Variants in SLC19A1 observed in about 807,000 individuals in gnomAD.
SLC19A1 encodes the protein solute carrier family 19 member 1, also known as reduced folate transporter.
In SLC19A1, 37 loss-of-function variants were observed where a neutral mutation model predicts 35.3. That is an observed-to-expected ratio of 1.05 (90% CI 0.81 to 1.38). SLC19A1 has a LOEUF of 1.38. Among genes scored for constraint, SLC19A1 ranks in the 40% most tolerant of loss-of-function variants. The probability of loss-of-function intolerance (pLI) is 0.00; values close to 1 mark genes in which losing one functional copy is unlikely to be tolerated. For synonymous variants in SLC19A1, 460 were observed against 398.5 expected, an observed-to-expected ratio of 1.15 and a Z score of -1.84; for missense variants, 831 against 826.9, an observed-to-expected ratio of 1.00 and a Z score of -0.06.
intron 1 of SLC19A1, among the ~76,000 whole-genome samples, chr21:45,538,995 C>T (rs545885948): frequency 2.0e-5 from 3 of 152,276 alleles, no homozygotes; most frequent in Non-Finnish European, 2.9e-5. Context: ...TCCTCCGGTG[C>T]GGGCAAGGGC....
chr21:45,511,909 T>G (rs1176767298), downstream of SLC19A1, among the ~76,000 whole-genome samples: 1 of 152,198 alleles, frequency 6.6e-6, no homozygotes, highest in Non-Finnish European at 1.5e-5. Context: ...TCAGCAGGCA[T>G]GAGGGCCAGG....
chr21:45,559,381 A>G (rs950574755), intron 1 of SLC19A1, among the ~76,000 whole-genome samples: 8 of 152,146 alleles, frequency 5.3e-5, no homozygotes, highest in African/African-American at 1.7e-4. Flanking sequence ...CAAGGAGACA[A>G]ACACACACAC....
intron 3 of SLC19A1, chr21:45,504,463 G>A (rs775685523): frequency 2.5e-6 from 4 of 1,610,696 alleles, no homozygotes; most frequent in South Asian, 1.1e-5. Flanking sequence ...GCGAAAGGGG[G>A]GAGCCCGGGG....
At chr21:45,519,168 A>C (rs1320470927) in intron 5 of SLC19A1, among the ~76,000 whole-genome samples, 1 of 152,210 alleles carries the variant, frequency 6.6e-6, no homozygotes, top group Non-Finnish European at 1.5e-5. Flanking sequence ...TCCATAAAGC[A>C]ACCAAAAAAG....
Position 45,533,316 on chromosome 21 carries a change from T to C in SLC19A1, c.190-1168A>G, listed in dbSNP as rs2077998036. ...GCACGGGGCTGGGGGTGCTACCTCC[T>C]ACAGGACAAGGTCAGAGGACACTGC... is the stretch of plus-strand genomic sequence containing the variant. On this transcript the variant is annotated intron_variant, in intron 2 of 5. Transcript: ENST00000311124. This position sits in a 1 kb window ranked among gnomAD's most constrained non-coding sequence, Gnocchi z 4.5. Among the ~76,000 whole-genome samples, 1 of 152,132 alleles carries C rather than the reference T, an allele frequency of 6.6e-6. No individual in the cohort carries two copies. Among genetic ancestry groups the C allele is most frequent in the Non-Finnish European group, 1.5e-5 (1 of 68,012 alleles).
At chr21:45,561,546 A>T (rs866363063) in intron 1 of SLC19A1, among the ~76,000 whole-genome samples, 1 of 151,888 alleles carries the variant, frequency 6.6e-6, no homozygotes. Flanking sequence ...AGATCACCTG[A>T]GGTTAGGAGT....
downstream of SLC19A1, chr21:45,510,141 G>C: frequency 6.3e-7 from 1 of 1,599,354 alleles, no homozygotes; most frequent in Non-Finnish European, 8.5e-7. Flanking sequence ...AGTGCTTCCA[G>C]CAGGCGCGGG....
chr21:45,506,643 G>A lies in SLC19A1; in HGVS notation c.498-8031C>T, dbSNP rs921328295. The A allele has an allele frequency of 2.9e-5, 5 of 171,028 alleles. No homozygotes were observed. The East Asian group carries it at 4.5e-4, about 15-fold the overall frequency. The allele number at this position is 171,028 out of a possible 1,614,324, so 10.6% of individuals were successfully genotyped here. A position where few individuals can be genotyped will look rare whatever the true frequency, so the allele number is the denominator to read the frequency against. On this transcript the variant is annotated intron_variant, in intron 3 of 4. Coordinates refer to the SLC19A1 transcript ENST00000417954. Reference sequence around the variant, plus strand: ...GGTAGAAGCCCCATGCCGCCGAAACGGCCTGTGACATCCGTGGGAGCCTCC... The same window carrying A: ...GGTAGAAGCCCCATGCCGCCGAAACAGCCTGTGACATCCGTGGGAGCCTCC...
Position 45,513,225 on chromosome 21 carries a change from T to G in SLC19A1, c.*2433A>C, listed in dbSNP as rs550551004. 110 of 152,348 alleles carry G rather than the reference T, an allele frequency of 7.2e-4. 1 individual carries two copies. Among genetic ancestry groups the G allele is most frequent in the African/African-American group, 2.5e-3 (105 of 41,554 alleles). The allele number at this position is 152,348 out of a possible 1,614,324, so 9.4% of individuals were successfully genotyped here. ...CTCATGCCCCTGGCTGGGACGTGGC[T>G]CAGCCAGCACTTGTCCAGCTGAGCG... On this transcript the variant is annotated 3_prime_UTR_variant, in exon 6 of 6. Transcript: ENST00000311124.
downstream of SLC19A1, chr21:45,507,644 G>A (rs75571235): frequency 8.7e-4 from 1,342 of 1,541,608 alleles, 6 homozygotes; most frequent in African/African-American, 0.015. Flanking sequence ...GACATGAGGG[G>A]GTATGTGCTG....
chr21:45,559,029 G>A (rs1030728491), intron 1 of SLC19A1, among the ~76,000 whole-genome samples: 6 of 151,908 alleles, frequency 3.9e-5, no homozygotes, highest in Admixed American at 1.3e-4. Context: ...GGATGGTCTC[G>A]ATCTCTTGAC....
At chr21:45,552,057 T>C (rs2078471271) in intron 1 of SLC19A1, among the ~76,000 whole-genome samples, 1 of 152,148 alleles carries the variant, frequency 6.6e-6, no homozygotes, top group African/African-American at 2.4e-5. Flanking sequence ...GAATTTGCTT[T>C]TCTACAAAAG....
downstream of SLC19A1, chr21:45,509,294 A>C (rs2037430257): frequency 4.0e-5 from 62 of 1,532,658 alleles, 1 homozygote; most frequent in South Asian, 7.4e-4. Context: ...AGGAGGACAC[A>C]GATGGAGGAG....
At chr21:45,537,723 C>CACCCACCCACA (rs2078169758) in intron 2 of SLC19A1, 48 bp downstream of exon 2, 1 of 91,986 alleles carries the variant, frequency 1.1e-5, no homozygotes, top group Non-Finnish European at 2.3e-5. Context: ...CGCTGCTCCC[C>CACCCACCCACA]GCCCACCCAC....
At chr21:45,545,167 A>G (rs1203052301), upstream of SLC19A1, among the ~76,000 whole-genome samples, 1 of 152,230 alleles carries the variant, frequency 6.6e-6, no homozygotes, top group African/African-American at 2.4e-5. Context: ...GCAGACACGC[A>G]CACACACTGA....
rs1363906684 is a variant in SLC19A1, at chr21:45,555,212, G to GGC, written c.-50+7529_-50+7530insGC. On this transcript the variant is annotated intron_variant, in intron 1 of 5. Coordinates refer to the SLC19A1 transcript ENST00000650808. ...GGGCGGCGGGGGCGGCGCAGGGGGC[G>GGC]GTGGGGGGCGCCGGGGGGCGGCGCA... is the stretch of plus-strand genomic sequence containing the variant. 1.3e-3 allele frequency among the ~76,000 whole-genome samples: 38 copies of GGC among 29,736 alleles called. 4 individuals are homozygous for GGC. The highest frequency in any genetic ancestry group is 6.9e-3 in the Admixed American group (23 of 3,328). The allele number at this position is 29,736 out of a possible 152,430, so 19.5% of individuals were successfully genotyped here. A position where few individuals can be genotyped will look rare whatever the true frequency, so the allele number is the denominator to read the frequency against.
In SLC19A1 at chr21:45,534,190, G is replaced by A. The variant is rs954843750; in HGVS notation, c.190-2042C>T. Among the ~76,000 whole-genome samples, 43 of 152,356 alleles carry A rather than the reference G, an allele frequency of 2.8e-4. 1 individual carries two copies. Among genetic ancestry groups the A allele is most frequent in the Middle Eastern group, 3.4e-3 (1 of 294 alleles). On this transcript the variant is annotated intron_variant, in intron 2 of 5. Coordinates refer to ENST00000311124, the MANE Select transcript of SLC19A1 (RefSeq NM_194255.4). This position sits in a 1 kb window ranked among gnomAD's most constrained non-coding sequence, Gnocchi z 4.2. Reference sequence around the variant, plus strand: ...AGGGCCAGCCATCGGCTTCTGCACTGTGTTTACAGCAATGTCCTGGGGACA... The same window carrying A: ...AGGGCCAGCCATCGGCTTCTGCACTATGTTTACAGCAATGTCCTGGGGACA...
chr21:45,502,523 G>A (rs987933793), intron 3 of SLC19A1: 3 of 152,198 alleles, frequency 2.0e-5, no homozygotes, highest in East Asian at 3.9e-4. Context: ...TGAGTGAAGA[G>A]AAATTGCGTA....
rs2146072848 is a variant in SLC19A1, at chr21:45,504,353, G to A, written c.498-5741C>T. 7 of 1,546,816 alleles carry A rather than the reference G, an allele frequency of 4.5e-6. No homozygotes were observed. In the Admixed American group the frequency reaches 1.1e-4, roughly 24 times the overall value. ...CTGCCCAGCCCTGGCTCGGGGGGAT[G>A]GGAGGCCACCTGTGGCTTGTAGGGG... On this transcript the variant is annotated intron_variant, in intron 3 of 4. Coordinates refer to the SLC19A1 transcript ENST00000417954.
Sources: allele counts gnomAD v4.1 joint callset (sites outside exome capture counted in the v4.1 genomes callset), GRCh38; gene constraint gnomAD v4.1.1; non-coding constraint Gnocchi (gnomAD v3.1); transcripts MANE v1.5; gene names NCBI Gene and HGNC (gene_info 2026-07-23, HGNC 2026-07-21).